KALRN: variants seen among roughly 807,000 people sequenced by gnomAD.
KALRN encodes kalirin RhoGEF kinase, also known as kalirin.
KALRN carries 70 observed loss-of-function variants against 353.7 expected under a neutral mutation model. That is an observed-to-expected ratio of 0.20 (90% CI 0.16 to 0.24). The LOEUF (loss-of-function observed/expected upper bound fraction) is 0.24. Ranked by LOEUF, KALRN falls within the 10% of genes least tolerant of loss-of-function variation. The pLI is 1.00. For missense variants in KALRN, 2,791 were observed against 3,756.7 expected (o/e 0.74, Z 6.72); for synonymous variants, 1,391 against 1,434.8 (o/e 0.97, Z 0.69).
intron 11 of KALRN, among the ~76,000 whole-genome samples, chr3:124,388,607 A>G (rs1341365772): frequency 6.6e-6 from 1 of 152,198 alleles, no homozygotes; most frequent in Non-Finnish European, 1.5e-5. Flanking sequence ...GAAGAAGAAA[A>G]ATGAGGGAAG....
intron 10 of KALRN, among the ~76,000 whole-genome samples, chr3:124,375,680 C>T (rs1159702344): frequency 6.6e-6 from 1 of 152,076 alleles, no homozygotes; most frequent in Admixed American, 6.5e-5. Context: ...CCTTTTAATC[C>T]ACAAACAAGG....
chr3:124,152,328 A>C (rs1183897159), intron 1 of KALRN: 4 of 1,227,230 alleles, frequency 3.3e-6, no homozygotes, highest in African/African-American at 1.5e-5. Flanking sequence ...TAAGCTTCAC[A>C]AAGGTTCCAT....
intron 1 of KALRN, among the ~76,000 whole-genome samples, chr3:124,167,876 A>G (rs763716095): frequency 1.3e-4 from 20 of 152,240 alleles, no homozygotes; most frequent in Non-Finnish European, 2.6e-4. Context: ...TTTCCAGTAC[A>G]GTTCTCAATT....
intron 34 of KALRN, among the ~76,000 whole-genome samples, chr3:124,601,141 T>A (rs1435637577): frequency 6.6e-6 from 1 of 152,216 alleles, no homozygotes; most frequent in Admixed American, 6.5e-5. Flanking sequence ...TTTATGGCAA[T>A]GTCTTCATCT....
chr3:124,296,613 C>G (rs1229149288), intron 5 of KALRN, among the ~76,000 whole-genome samples: 3 of 152,222 alleles, frequency 2.0e-5, no homozygotes, highest in African/African-American at 7.2e-5. Context: ...AAACCTCCCA[C>G]CAGCACCTGG....
chr3:124,412,739 A>G (rs569016202), intron 13 of KALRN, among the ~76,000 whole-genome samples: 3 of 152,328 alleles, frequency 2.0e-5, no homozygotes, highest in South Asian at 4.1e-4. Flanking sequence ...ATGCCTTTCA[A>G]TTGATTAAAT....
intron 33 of KALRN, among the ~76,000 whole-genome samples, chr3:124,543,830 A>G (rs12490919): frequency 6.6e-6 from 1 of 152,222 alleles, no homozygotes; most frequent in Non-Finnish European, 1.5e-5. Flanking sequence ...AGAGAACAGT[A>G]TAAGAAAAGA....
chr3:124,665,023 G>A (rs111434781), intron 45 of KALRN, among the ~76,000 whole-genome samples: 1,785 of 152,348 alleles, frequency 0.012, 29 homozygotes, highest in African/African-American at 0.039. Context: ...AGATAAGCCT[G>A]TTTGGCTGCT....
chr3:124,317,887 A>G (rs1157393170), intron 6 of KALRN, among the ~76,000 whole-genome samples: 1 of 152,118 alleles, frequency 6.6e-6, no homozygotes, highest in Non-Finnish European at 1.5e-5. Context: ...CACTTGCCTC[A>G]CTAGGTGCCC....
At chr3:124,439,210 A>G (rs557287734) in intron 18 of KALRN, among the ~76,000 whole-genome samples, 173 bp downstream of exon 18, 1 of 149,918 alleles carries the variant, frequency 6.7e-6, no homozygotes, top group East Asian at 2.0e-4. Flanking sequence ...TCACACACAC[A>G]CACACACACA....
chr3:124,226,899 C>T (rs557907037), intron 1 of KALRN, among the ~76,000 whole-genome samples: 231 of 152,296 alleles, frequency 1.5e-3, no homozygotes, highest in African/African-American at 5.1e-3. Context: ...TCTGAGCTGA[C>T]ATACAACCGC....
In KALRN at chr3:124,564,122, G is replaced by A. The variant is rs185829520; in HGVS notation, c.5182+1033G>A. Among the ~76,000 whole-genome samples, 465 of 149,014 alleles carry A rather than the reference G, an allele frequency of 3.1e-3. 3 individuals carry two copies. The highest frequency in any genetic ancestry group is 8.1e-3 in the Admixed American group (121 of 14,912). On this transcript the variant is annotated intron_variant, in intron 34 of 59. Coordinates refer to ENST00000682506, the MANE Select transcript of KALRN (RefSeq NM_001388419.1). ...CGGGAGGCTGAGGCAGGAGAATGGC[G>A]TGAACCCGGGAGGCGGAGCTTGCAG...
In KALRN at chr3:124,136,487, G is replaced by T. The variant is rs142451137; in HGVS notation, c.74-91503G>T. On this transcript the variant is annotated intron_variant, in intron 1 of 59. Coordinates refer to ENST00000682506, the MANE Select transcript of KALRN (RefSeq NM_001388419.1). ...TGACTGAATTTTACCAAATTGCCAA[G>T]GTCCCCCCCCCATTGATTGGAATCA... Among the ~76,000 whole-genome samples, 310 of 152,162 alleles carry T rather than the reference G, an allele frequency of 2.0e-3. 3 individuals are homozygous for T. The highest frequency in any genetic ancestry group is 3.3e-3 in the Non-Finnish European group (225 of 67,996).
intron 19 of KALRN, 26 bp downstream of exon 19, chr3:124,442,085 C>G: frequency 6.9e-7 from 1 of 1,456,520 alleles, no homozygotes; most frequent in Non-Finnish European, 9.5e-7. Context: ...GCCCAGCCAC[C>G]AGTCACTTCA....
chr3:124,385,250 A>G (rs634265), intron 11 of KALRN, among the ~76,000 whole-genome samples: 101,915 of 151,974 alleles, frequency 0.67, 35,022 homozygotes, highest in East Asian at 0.99. Context: ...AGTGAGGAAA[A>G]GGGGTCATGG....
chr3:124,147,919 G>A (rs1419574453), intron 1 of KALRN, among the ~76,000 whole-genome samples: 5 of 152,204 alleles, frequency 3.3e-5, no homozygotes, highest in Admixed American at 3.3e-4. Context: ...TGGATTGAAT[G>A]TTTGATTCAG....
chr3:124,139,989 C>G (rs183637648), intron 1 of KALRN, among the ~76,000 whole-genome samples: 2 of 152,092 alleles, frequency 1.3e-5, no homozygotes, highest in African/African-American at 2.4e-5. Flanking sequence ...TCATATTGTA[C>G]CCTAAAGGGC....
At chr3:124,411,525 T>A (rs1022767424) in intron 13 of KALRN, among the ~76,000 whole-genome samples, 3 of 141,850 alleles carry the variant, frequency 2.1e-5, no homozygotes, top group Non-Finnish European at 4.5e-5. Flanking sequence ...CACTACAACC[T>A]TGAACTCCTG....
chr3:124,218,926 G>A (rs555449613), intron 1 of KALRN, among the ~76,000 whole-genome samples: 4 of 152,298 alleles, frequency 2.6e-5, no homozygotes, highest in South Asian at 2.1e-4. Flanking sequence ...TTCCTCAAAG[G>A]TAGCCCATTA....
Sources: allele counts gnomAD v4.1 joint callset (sites outside exome capture counted in the v4.1 genomes callset), GRCh38; gene constraint gnomAD v4.1.1; transcripts MANE v1.5; gene names NCBI Gene and HGNC (gene_info 2026-07-23, HGNC 2026-07-21).